The following MYO10 variants were observed in gnomAD, a reference collection of about 807,000 sequenced individuals.
The protein encoded by MYO10 is unconventional myosin-X.
In MYO10, 133 loss-of-function variants were observed where a neutral mutation model predicts 257.3. That is an observed-to-expected ratio of 0.52 (90% confidence interval 0.45 to 0.60). The LOEUF (loss-of-function observed/expected upper bound fraction) is 0.60. Ranked by LOEUF, MYO10 falls within the 20% of genes least tolerant of loss-of-function variation. The pLI is 0.00. For synonymous variants in MYO10, 1,104 were observed against 1,028.6 expected (o/e 1.07, Z -1.40); for missense variants, 2,399 against 2,635.7 (o/e 0.91, Z 1.97).
At chr5:16,754,370 T>C (rs1480826738) in intron 19 of MYO10, among the ~76,000 whole-genome samples, 1 of 152,104 alleles carries the variant, frequency 6.6e-6, no homozygotes, top group East Asian at 1.9e-4. Flanking sequence ...AAACAACTAT[T>C]TAAAGTACTT....
intron 30 of MYO10, 105 bp downstream of exon 30, chr5:16,683,775 G>T: frequency 1.8e-6 from 2 of 1,133,074 alleles, no homozygotes; most frequent in Non-Finnish European, 2.6e-6. Context: ...ACAGCCTTGC[G>T]TGATTTCACA....
chr5:16,739,616 T>C (rs1739940769), intron 19 of MYO10, among the ~76,000 whole-genome samples: 1 of 152,078 alleles, frequency 6.6e-6, no homozygotes, highest in African/African-American at 2.4e-5. Flanking sequence ...AACAATCCAG[T>C]AATAGAAATC....
rs531183054 is a variant in MYO10 at position 16,709,177 on chromosome 5, G to A, written c.2169+1731C>T. Reference sequence around the variant, plus strand: ...AGGAGGGGGCTTACCCCAGCTATAGGGTGCACTGAGGAATGTCAAAAAAGG... The same window carrying A: ...AGGAGGGGGCTTACCCCAGCTATAGAGTGCACTGAGGAATGTCAAAAAAGG... On this transcript the variant is annotated intron_variant, in intron 21 of 40. Transcript: ENST00000513610. Among the ~76,000 whole-genome samples the A allele has an allele frequency of 5.9e-5, 9 of 152,262 alleles. No individual in the cohort carries two copies. In the South Asian group the frequency reaches 1.7e-3, roughly 28 times the overall value.
chr5:16,914,899 G>A (rs1166889079), intron 1 of MYO10, among the ~76,000 whole-genome samples: 2 of 152,160 alleles, frequency 1.3e-5, no homozygotes, highest in South Asian at 2.1e-4. Flanking sequence ...TGGAACTTTC[G>A]CAGCTGATTA....
intron 2 of MYO10, among the ~76,000 whole-genome samples, chr5:16,828,413 C>T (rs552082667): frequency 6.6e-6 from 1 of 152,022 alleles, no homozygotes; most frequent in Non-Finnish European, 1.5e-5. Context: ...GAGTTCAAGA[C>T]CAGCTTGGCC....
intron 1 of MYO10, among the ~76,000 whole-genome samples, chr5:16,906,625 A>T (rs1745526293): frequency 6.6e-6 from 1 of 152,146 alleles, no homozygotes; most frequent in African/African-American, 2.4e-5. Flanking sequence ...CCACTTTAGC[A>T]TCATCATCTC....
intron 5 of MYO10, among the ~76,000 whole-genome samples, chr5:16,782,132 G>A (rs1741442782): frequency 6.6e-6 from 1 of 152,164 alleles, no homozygotes; most frequent in African/African-American, 2.4e-5. Flanking sequence ...TCCAGGGACT[G>A]CACAGAAAAA....
At chr5:16,883,059 G>A (rs2126766763) in intron 1 of MYO10, among the ~76,000 whole-genome samples, 1 of 151,934 alleles carries the variant, frequency 6.6e-6, no homozygotes, top group East Asian at 2.0e-4. Flanking sequence ...GGGACTACAG[G>A]TGCCCACCAC....
At chr5:16,749,376 A>T (rs1163285493) in intron 19 of MYO10, among the ~76,000 whole-genome samples, 1 of 151,886 alleles carries the variant, frequency 6.6e-6, no homozygotes, top group Admixed American at 6.6e-5. Flanking sequence ...AATCTTCGCT[A>T]CTTGGAAGGC....
rs1244317930 is a variant in MYO10, at chr5:16,718,070, C to T, written c.1930-6825G>A. Among the ~76,000 whole-genome samples, 5 of 152,328 alleles carry T rather than the reference C, an allele frequency of 3.3e-5. 1 individual carries two copies. In the South Asian group the frequency reaches 6.2e-4, roughly 19 times the overall value. On this transcript the variant is annotated intron_variant, in intron 19 of 40. Coordinates refer to ENST00000513610, the MANE Select transcript of MYO10 (RefSeq NM_012334.3). ...AGCAGCCAGCCAGCCCTGCTGGCCC[C>T]GGGCAATGGGGGACTTAGCACCTGG...
intron 32 of MYO10, among the ~76,000 whole-genome samples, chr5:16,680,663 C>T (rs2288433): frequency 0.31 from 47,575 of 152,076 alleles, 7,569 homozygotes; most frequent in South Asian, 0.41. Context: ...GAAACACTTT[C>T]ATAATACTAC....
At chr5:16,841,221 A>G (rs749783038) in intron 2 of MYO10, among the ~76,000 whole-genome samples, 36 of 152,058 alleles carry the variant, frequency 2.4e-4, no homozygotes, top group Non-Finnish European at 2.9e-5. Flanking sequence ...AGAAACAGTT[A>G]TTATTCAGAA....
At chr5:16,683,600 C>T (rs556598912) in intron 30 of MYO10, among the ~76,000 whole-genome samples, 2 of 152,228 alleles carry the variant, frequency 1.3e-5, no homozygotes, top group South Asian at 4.1e-4. Flanking sequence ...CAAGTTTGTC[C>T]CTGTATACAC....
intron 1 of MYO10, among the ~76,000 whole-genome samples, chr5:16,908,629 C>A (rs534563173): frequency 6.6e-6 from 1 of 152,182 alleles, no homozygotes; most frequent in African/African-American, 2.4e-5. Flanking sequence ...CAGATCCAAT[C>A]CAATCTCTTT....
intron 4 of MYO10, among the ~76,000 whole-genome samples, chr5:16,784,401 G>A (rs539545887): frequency 9.3e-4 from 141 of 152,330 alleles, no homozygotes; most frequent in Middle Eastern, 3.4e-3. Context: ...TAGAAGGACC[G>A]AAGGGTCCCT....
At position 16,665,625 on chromosome 5, in the gene MYO10, G is replaced by A. The variant is rs1209484643; in HGVS notation, c.*1067C>T. 2.6e-5 allele frequency: 4 copies of A among 152,210 alleles called. No homozygotes were observed. Among genetic ancestry groups the A allele is most frequent in the Admixed American group, 6.6e-5 (1 of 15,264 alleles). 9.4% of individuals were successfully genotyped at this position (152,210 alleles called of 1,614,324 possible). A position where few individuals can be genotyped will look rare whatever the true frequency, so the allele number is the denominator to read the frequency against. ...TGTTAAGACGTTTCTGGAATGCAGC[G>A]TCTCTCCCCCATAGTCAACATGGTT... On this transcript the variant is annotated 3_prime_UTR_variant, in exon 41 of 41. Transcript: ENST00000513610.
At chr5:16,769,362 T>C (rs1337452479) in intron 9 of MYO10, among the ~76,000 whole-genome samples, 159 bp from the exon 10 acceptor site, 2 of 152,184 alleles carry the variant, frequency 1.3e-5, no homozygotes, top group African/African-American at 4.8e-5. Context: ...TTTGAGACAG[T>C]CTCGTTCTGT....
chr5:16,897,353 C>T (rs1745247024), intron 1 of MYO10, among the ~76,000 whole-genome samples: 3 of 150,042 alleles, frequency 2.0e-5, no homozygotes, highest in Admixed American at 1.3e-4. Flanking sequence ...AACTCTGCAA[C>T]GCCACCACAG....
intron 1 of MYO10, among the ~76,000 whole-genome samples, chr5:16,933,366 T>C (rs1048601419): frequency 4.6e-5 from 7 of 152,162 alleles, no homozygotes; most frequent in African/African-American, 1.2e-4. Flanking sequence ...TAGCTAGAAA[T>C]AGCAGTTGCG....
Sources: allele counts gnomAD v4.1 joint callset (sites outside exome capture counted in the v4.1 genomes callset), GRCh38; gene constraint gnomAD v4.1.1; transcripts MANE v1.5; gene names NCBI Gene and HGNC (gene_info 2026-07-23, HGNC 2026-07-21).